Variants in DYSF observed in about 807,000 individuals in gnomAD.
The protein encoded by DYSF is dystrophy-associated fer-1-like 1.
In DYSF, 212 loss-of-function variants were observed where a neutral mutation model predicts 274.9. The ratio of observed to expected loss-of-function variants is 0.77; its 90% confidence interval spans 0.69 to 0.86. The LOEUF (loss-of-function observed/expected upper bound fraction) is 0.86, where lower values mean the gene tolerates loss of function less well. Among genes scored for constraint, DYSF ranks in the 40% least tolerant of loss-of-function variants. The probability of loss-of-function intolerance (pLI) is 0.00; values close to 1 mark genes in which losing one functional copy is unlikely to be tolerated. For synonymous variants in DYSF, 1,091 were observed against 1,078.7 expected (o/e 1.01, Z -0.22); for missense variants, 2,666 against 2,783.2 (o/e 0.96, Z 0.95).
intron 12 of DYSF, among the ~76,000 whole-genome samples, chr2:71,522,394 CTG>C (rs1266997783): frequency 6.6e-6 from 1 of 152,152 alleles, no homozygotes; most frequent in Non-Finnish European, 1.5e-5. Flanking sequence ...GAGCTCTCCT[CTG>C]TTGTTAGACT....
chr2:71,658,677 G>A (rs1008116553), intron 43 of DYSF, among the ~76,000 whole-genome samples: 5 of 152,194 alleles, frequency 3.3e-5, no homozygotes, highest in Admixed American at 3.3e-4. Flanking sequence ...AAACCCAACA[G>A]ATCTCATGAT....
At chr2:71,608,790 C>T (rs938818382) in intron 36 of DYSF, among the ~76,000 whole-genome samples, 1 of 152,126 alleles carries the variant, frequency 6.6e-6, no homozygotes, top group African/African-American at 2.4e-5. Context: ...TACTGCCCAG[C>T]GTTTGGGGGC....
chr2:71,608,424 T>A (rs1346420445), intron 36 of DYSF, among the ~76,000 whole-genome samples: 1 of 152,052 alleles, frequency 6.6e-6, no homozygotes, highest in African/African-American at 2.4e-5. Flanking sequence ...GGAAGAAGCA[T>A]GTCCTGGGAC....
At chr2:71,456,616 C>G (rs576738679) in intron 1 of DYSF, among the ~76,000 whole-genome samples, 46 of 152,288 alleles carry the variant, frequency 3.0e-4, no homozygotes, top group Non-Finnish European at 5.9e-4. Context: ...TACCCTGTAG[C>G]CACACTTCAC....
intron 42 of DYSF, among the ~76,000 whole-genome samples, chr2:71,653,485 G>A (rs955338945): frequency 1.1e-4 from 16 of 152,078 alleles, no homozygotes; most frequent in African/African-American, 3.1e-4. Flanking sequence ...CAGCCATAAA[G>A]AATGATGAGT....
chr2:71,653,125 A>T (rs925507447), intron 42 of DYSF, among the ~76,000 whole-genome samples: 6 of 152,220 alleles, frequency 3.9e-5, no homozygotes, highest in African/African-American at 1.4e-4. Context: ...ATCTCACACC[A>T]GTTAGAATGG....
intron 16 of DYSF, among the ~76,000 whole-genome samples, chr2:71,537,558 T>C (rs889607449): frequency 6.6e-6 from 1 of 152,210 alleles, no homozygotes; most frequent in Non-Finnish European, 1.5e-5. Flanking sequence ...TCAGTTCTTA[T>C]TAATATCATT....
intron 17 of DYSF, among the ~76,000 whole-genome samples, chr2:71,544,479 G>A (rs796722069): frequency 3.8e-5 from 4 of 104,428 alleles, no homozygotes; most frequent in Non-Finnish European, 8.2e-5. Context: ...TTTTTTTTGA[G>A]ATGGAGTCTT....
intron 41 of DYSF, among the ~76,000 whole-genome samples, chr2:71,639,364 A>C (rs2094453823): frequency 6.6e-6 from 1 of 152,118 alleles, no homozygotes; most frequent in African/African-American, 2.4e-5. Context: ...CTATGCAAGG[A>C]ATACTTGCAT....
chr2:71,669,869 T>C, intron 51 of DYSF, 123 bp downstream of exon 51: 1 of 1,328,210 alleles, frequency 7.5e-7, no homozygotes, highest in African/African-American at 1.4e-5. Context: ...ATGTTGGAGC[T>C]ACCACTGCCA....
intron 44 of DYSF, 21 bp from the exon 45 acceptor site, chr2:71,660,539 G>A (rs1444595274): frequency 6.2e-7 from 1 of 1,604,134 alleles, no homozygotes; most frequent in Admixed American, 1.7e-5. Flanking sequence ...TTTCACAGAA[G>A]TGTTTTGTCT....
At chr2:71,585,862 C>T (rs530833524) in intron 30 of DYSF, among the ~76,000 whole-genome samples, 2 of 152,132 alleles carry the variant, frequency 1.3e-5, no homozygotes, top group African/African-American at 2.4e-5. Context: ...AAATTCAGGG[C>T]GAAGTGGGAG....
At position 71,570,214 on chromosome 2, in the gene DYSF, C is replaced by A; in HGVS notation, c.2980-15C>A. 6.2e-7 allele frequency: 1 copy of A among 1,610,758 alleles called. No individual in the cohort carries two copies. Among genetic ancestry groups the A allele is most frequent in the Non-Finnish European group, 8.5e-7 (1 of 1,176,952 alleles). On this transcript the variant is annotated splice_polypyrimidine_tract_variant and intron_variant, in intron 27 of 55. Transcript: ENST00000410020. ...TGTCTCCTCTCATTGCTTGCCTGTT[C>A]GGTTTTGTCCTTAGAACGGGGAGAA... is the stretch of plus-strand genomic sequence containing the variant.
At chr2:71,618,785 G>A (rs1236556025) in intron 40 of DYSF, among the ~76,000 whole-genome samples, 1 of 151,766 alleles carries the variant, frequency 6.6e-6, no homozygotes. Context: ...TTTTTTGTGT[G>A]TGTGGTGAGC....
chr2:71,474,563 C>T (rs2082263083), intron 1 of DYSF, among the ~76,000 whole-genome samples: 1 of 152,180 alleles, frequency 6.6e-6, no homozygotes, highest in Non-Finnish European at 1.5e-5. Flanking sequence ...ATCAATGTGC[C>T]TTCCCTTTTC....
In DYSF at chr2:71,681,018, C is replaced by G. The variant is rs1392694054; in HGVS notation, c.6081C>G (p.Thr2027=). 6.2e-7 allele frequency: 1 copy of G among 1,614,174 alleles called. No individual in the cohort carries two copies. Among genetic ancestry groups the G allele is most frequent in the East Asian group, 2.2e-5 (1 of 44,884 alleles). Residue 2027 remains threonine, a synonymous_variant, in exon 54 of 56, where the codon ACC becomes ACG. Coordinates refer to ENST00000410020, the MANE Select transcript of DYSF (RefSeq NM_001130987.2). ...KKILAGKLEM[T]LEIVAESEHE... is the part of the protein sequence containing the mutation. The stretch of plus-strand genomic sequence containing the variant: ...CCCCTCAGGGCAAGCTGGAAATGAC[C>G]TTGGAGATTGTAGCAGAGAGTGAGC...
chr2:71,515,353 T>C (rs2086543967), intron 7 of DYSF, among the ~76,000 whole-genome samples: 1 of 152,178 alleles, frequency 6.6e-6, no homozygotes, highest in Non-Finnish European at 1.5e-5. Context: ...AAATGGGGGC[T>C]GTATCTGCCC....
intron 21 of DYSF, among the ~76,000 whole-genome samples, chr2:71,554,612 G>C (rs1483837832): frequency 2.6e-5 from 4 of 152,188 alleles, no homozygotes; most frequent in African/African-American, 7.2e-5. Context: ...AGATGGCCTT[G>C]GGGGGAAATT....
chr2:71,513,402 A>G, intron 6 of DYSF, 70 bp downstream of exon 6: 1 of 1,489,344 alleles, frequency 6.7e-7, no homozygotes, highest in Non-Finnish European at 9.1e-7. Context: ...TGCCATGGTC[A>G]GCTTGCTGGA....
Sources: allele counts gnomAD v4.1 joint callset (sites outside exome capture counted in the v4.1 genomes callset), GRCh38; gene constraint gnomAD v4.1.1; transcripts MANE v1.5; gene names NCBI Gene and HGNC (gene_info 2026-07-23, HGNC 2026-07-21).